Variants in ZBTB20 observed in about 807,000 individuals in gnomAD.
The protein encoded by ZBTB20 is zinc finger and BTB domain containing 20.
A neutral mutation model predicts 56.9 loss-of-function variants in ZBTB20; 9 were observed. The ratio of observed to expected loss-of-function variants is 0.16; its 90% CI spans 0.10 to 0.28. The LOEUF is 0.28. ZBTB20 is among the 10% of genes least tolerant of loss of function. The probability of loss-of-function intolerance (pLI) is 1.00; values close to 1 mark genes in which losing one functional copy is unlikely to be tolerated. For missense variants in ZBTB20, 655 were observed against 1,003.0 expected (o/e 0.65, Z 4.69); for synonymous variants, 417 against 420.7 (o/e 0.99, Z 0.11).
intron 3 of ZBTB20, among the ~76,000 whole-genome samples, chr3:114,912,911 C>T (rs1487736266): frequency 3.3e-5 from 5 of 151,726 alleles, no homozygotes; most frequent in African/African-American, 1.2e-4. Flanking sequence ...AATGACAGAA[C>T]CTCATTCTTT....
chr3:114,802,647 T>C (rs146589142), intron 4 of ZBTB20, among the ~76,000 whole-genome samples: 1,758 of 151,882 alleles, frequency 0.012, 16 homozygotes, highest in South Asian at 0.042. Flanking sequence ...GGCAGCAAAA[T>C]ATTCATAAAA....
chr3:114,656,398 C>A (rs1043503385), intron 6 of ZBTB20, among the ~76,000 whole-genome samples: 1 of 152,156 alleles, frequency 6.6e-6, no homozygotes, highest in Non-Finnish European at 1.5e-5. Flanking sequence ...TCCAACAAAT[C>A]ATTTTTTATT....
At chr3:114,530,180 T>C (rs1013942383) in intron 6 of ZBTB20, among the ~76,000 whole-genome samples, 2 of 152,218 alleles carry the variant, frequency 1.3e-5, no homozygotes, top group African/African-American at 4.8e-5. Flanking sequence ...TCACATTCAC[T>C]CATCACTCAC....
At chr3:114,532,028 A>T (rs1291858728) in intron 6 of ZBTB20, among the ~76,000 whole-genome samples, 6 of 152,128 alleles carry the variant, frequency 3.9e-5, no homozygotes, top group South Asian at 2.1e-4. Context: ...CTACACCACG[A>T]GGGCCCTGGG....
At chr3:114,706,814 G>A (rs1055269081) in intron 5 of ZBTB20, among the ~76,000 whole-genome samples, 1 of 152,084 alleles carries the variant, frequency 6.6e-6, no homozygotes, top group African/African-American at 2.4e-5. Flanking sequence ...GTTAGGTCAC[G>A]GTTTCAGGTT....
At chr3:114,774,564 G>A (rs912302127) in intron 5 of ZBTB20, among the ~76,000 whole-genome samples, 2 of 151,990 alleles carry the variant, frequency 1.3e-5, no homozygotes, top group East Asian at 3.9e-4. Context: ...AATTTCAAGG[G>A]GCTTTGAGGC....
At chr3:114,562,589 C>A (rs1383155420) in intron 6 of ZBTB20, among the ~76,000 whole-genome samples, 1 of 152,220 alleles carries the variant, frequency 6.6e-6, no homozygotes, top group African/African-American at 2.4e-5. Context: ...TTTGCATTTA[C>A]AACTTCATTA....
chr3:114,351,066 C>A lies in ZBTB20; in HGVS notation c.1012G>T (p.Asp338Tyr). ...HIKQEMEDDY[D>Y]YYGQQRVQIL... ...TGCACCCTTTGCTGCCCGTAGTAGT[C>A]GTAATCGTCCTCCATCTCCTGCTTG... Residue 338 changes from aspartate (D) to tyrosine (Y), a missense_variant, in exon 11 of 12, where the codon GAC becomes TAC. Physicochemically the swap from Asp to Tyr is radical, Grantham distance 160. Transcript: ENST00000675478. The A allele has an allele frequency of 6.2e-7, 1 of 1,611,374 alleles. No homozygotes were observed. Among genetic ancestry groups the A allele is most frequent in the African/African-American group, 1.3e-5 (1 of 74,552 alleles).
intron 6 of ZBTB20, among the ~76,000 whole-genome samples, chr3:114,655,291 G>A (rs1340295338): frequency 7.6e-6 from 1 of 130,806 alleles, no homozygotes; most frequent in Non-Finnish European, 1.5e-5. Context: ...TGTCGCCCAG[G>A]CCAGACTGCG....
intron 7 of ZBTB20, among the ~76,000 whole-genome samples, chr3:114,489,925 T>G (rs73857615): frequency 1.4e-3 from 209 of 152,200 alleles, no homozygotes; most frequent in Non-Finnish European, 2.4e-3. Flanking sequence ...TTAAAATAAA[T>G]CTGAGTAAGG....
At chr3:115,077,121 T>A (rs1439887082) in intron 1 of ZBTB20, among the ~76,000 whole-genome samples, 1 of 152,090 alleles carries the variant, frequency 6.6e-6, no homozygotes, top group East Asian at 1.9e-4. Flanking sequence ...CAGGGGTGAA[T>A]TCCCTGATAT....
At chr3:114,409,309 G>A (rs2087692996) in intron 7 of ZBTB20, among the ~76,000 whole-genome samples, 1 of 151,946 alleles carries the variant, frequency 6.6e-6, no homozygotes, top group African/African-American at 2.4e-5. Flanking sequence ...TTAGCTACAG[G>A]TGGAAAGCAA....
chr3:114,694,681 G>A (rs538049496), intron 5 of ZBTB20, among the ~76,000 whole-genome samples: 3 of 152,106 alleles, frequency 2.0e-5, no homozygotes, highest in Non-Finnish European at 2.9e-5. Context: ...GAGCATACTC[G>A]ATAGCTAGAA....
At chr3:114,778,523 T>C (rs1276179669) in intron 5 of ZBTB20, among the ~76,000 whole-genome samples, 12 of 152,242 alleles carry the variant, frequency 7.9e-5, no homozygotes, top group Admixed American at 5.9e-4. Flanking sequence ...ACTCTATGAT[T>C]CTTCTTAGCT....
At chr3:114,815,524 G>C (rs1440270724) in intron 4 of ZBTB20, among the ~76,000 whole-genome samples, 2 of 151,972 alleles carry the variant, frequency 1.3e-5, no homozygotes, top group Non-Finnish European at 2.9e-5. Context: ...TTACTATTTG[G>C]TATTGTGCTT....
chr3:114,977,372 A>C (rs2078145540), intron 2 of ZBTB20, among the ~76,000 whole-genome samples: 1 of 152,226 alleles, frequency 6.6e-6, no homozygotes, highest in South Asian at 2.1e-4. Context: ...AACTTAAAAA[A>C]CAAATTTAAA....
intron 6 of ZBTB20, among the ~76,000 whole-genome samples, chr3:114,644,995 T>C (rs933288041): frequency 2.5e-4 from 38 of 152,044 alleles, no homozygotes; most frequent in Admixed American, 1.2e-3. Context: ...ATAATGAATA[T>C]TCAAGGACAT....
At chr3:114,728,726 T>C (rs1452133344) in intron 5 of ZBTB20, among the ~76,000 whole-genome samples, 4 of 152,210 alleles carry the variant, frequency 2.6e-5, no homozygotes, top group Admixed American at 6.5e-5. Flanking sequence ...TGAGAAGACG[T>C]GCATCTTTTT....
At chr3:114,505,490 C>G (rs1428323281) in intron 6 of ZBTB20, among the ~76,000 whole-genome samples, 1 of 152,108 alleles carries the variant, frequency 6.6e-6, no homozygotes, top group Non-Finnish European at 1.5e-5. Context: ...ACTTATCCTT[C>G]TAGCTGAAGA....
Sources: allele counts gnomAD v4.1 joint callset (sites outside exome capture counted in the v4.1 genomes callset), GRCh38; gene constraint gnomAD v4.1.1; transcripts MANE v1.5; gene names NCBI Gene and HGNC (gene_info 2026-07-23, HGNC 2026-07-21).